The following PPM1L variants were observed in gnomAD, a reference collection of about 807,000 sequenced individuals.
PPM1L encodes protein phosphatase, Mg2+/Mn2+ dependent 1L.
In PPM1L, 13 loss-of-function variants were observed where a neutral mutation model predicts 31.4. The ratio of observed to expected loss-of-function variants is 0.41; its 90% confidence interval spans 0.27 to 0.66. The LOEUF (loss-of-function observed/expected upper bound fraction) is 0.66, where lower values mean the gene tolerates loss of function less well. Ranked by LOEUF, PPM1L falls within the 30% of genes least tolerant of loss-of-function variation. The probability of loss-of-function intolerance (pLI) is 0.29; values close to 1 mark genes in which losing one functional copy is unlikely to be tolerated. For synonymous variants in PPM1L, 184 were observed against 175.4 expected (o/e 1.05, Z -0.39); for missense variants, 326 against 453.7 (o/e 0.72, Z 2.56).
At chr3:160,950,327 T>C (rs1715542355) in intron 1 of PPM1L, among the ~76,000 whole-genome samples, 1 of 152,166 alleles carries the variant, frequency 6.6e-6, no homozygotes, top group Non-Finnish European at 1.5e-5. Context: ...ATTGAAGCTA[T>C]AATGATAGAA....
intron 1 of PPM1L, among the ~76,000 whole-genome samples, chr3:160,801,871 G>T (rs1712437213): frequency 6.6e-6 from 1 of 152,098 alleles, no homozygotes; most frequent in Non-Finnish European, 1.5e-5. Flanking sequence ...TTCATACATA[G>T]TTTGAACTTA....
intron 1 of PPM1L, among the ~76,000 whole-genome samples, chr3:160,960,440 C>A (rs1715916376): frequency 6.6e-6 from 1 of 152,030 alleles, no homozygotes; most frequent in Admixed American, 6.6e-5. Flanking sequence ...CCCTACTGTG[C>A]AACAGAACAC....
intron 1 of PPM1L, among the ~76,000 whole-genome samples, chr3:160,796,405 C>T (rs557236461): frequency 2.8e-4 from 42 of 152,130 alleles, no homozygotes; most frequent in Non-Finnish European, 1.8e-4. Context: ...AACCATTACC[C>T]TTAATTTTTG....
intron 2 of PPM1L, among the ~76,000 whole-genome samples, chr3:160,968,913 G>A (rs1046231700): frequency 1.3e-5 from 2 of 152,198 alleles, no homozygotes; most frequent in East Asian, 3.9e-4. Flanking sequence ...AGGGCTTTCT[G>A]TTCTTACAGT....
intron 1 of PPM1L, chr3:160,842,355 T>C: frequency 1.4e-6 from 1 of 699,670 alleles, no homozygotes; most frequent in Non-Finnish European, 2.6e-6. Flanking sequence ...TAATGGGAAA[T>C]AAAACTAGAG....
intron 1 of PPM1L, among the ~76,000 whole-genome samples, chr3:160,915,247 A>C (rs1183512946): frequency 3.3e-5 from 5 of 152,212 alleles, no homozygotes; most frequent in African/African-American, 9.6e-5. Flanking sequence ...AATCACGAGC[A>C]TTCTTATACT....
rs1021740020 is a variant in PPM1L at position 160,862,396 on chromosome 3, T to C, written c.400-99340T>C. ...CCTTTCAATTCAGGCACTGAAATGC[T>C]AGCAAAATGAAGGTATGTTTTCTGG... On this transcript the variant is annotated intron_variant, in intron 1 of 3. Coordinates refer to ENST00000498165, the MANE Select transcript of PPM1L (RefSeq NM_139245.4). 6.2e-4 allele frequency among the ~76,000 whole-genome samples: 94 copies of C among 152,198 alleles called. 1 individual carries two copies. The highest frequency in any genetic ancestry group is 2.1e-3 in the African/African-American group (89 of 41,506).
intron 1 of PPM1L, among the ~76,000 whole-genome samples, chr3:160,951,416 T>C (rs1284426275): frequency 6.6e-6 from 1 of 152,100 alleles, no homozygotes; most frequent in Non-Finnish European, 1.5e-5. Context: ...TCCTTTAGAG[T>C]TTGAGGGTAG....
chr3:161,061,690 G>A (rs1240673590), intron 2 of PPM1L, among the ~76,000 whole-genome samples: 1 of 152,150 alleles, frequency 6.6e-6, no homozygotes, highest in Non-Finnish European at 1.5e-5. Context: ...ATGTACATAG[G>A]TTATATGCAA....
At chr3:160,850,559 G>A (rs958494674) in intron 1 of PPM1L, among the ~76,000 whole-genome samples, 6 of 152,088 alleles carry the variant, frequency 3.9e-5, no homozygotes, top group African/African-American at 1.4e-4. Context: ...CTAATCACAT[G>A]GCTGGTCCCT....
In PPM1L at chr3:161,073,494, T is replaced by C. The variant is rs1166189928; in HGVS notation, c.*4337T>C. The C allele has an allele frequency of 6.6e-6, 1 of 152,156 alleles. No homozygotes were observed. Among genetic ancestry groups the C allele is most frequent in the Non-Finnish European group, 1.5e-5 (1 of 68,034 alleles). 9.4% of individuals were successfully genotyped at this position (152,156 alleles called of 1,614,324 possible). On this transcript the variant is annotated 3_prime_UTR_variant, in exon 4 of 4. Transcript: ENST00000498165. ...ATAAAAGCAGTGTTAAGAAGTAGTA[T>C]GACTTAATATGACCAACAGCAGCCT...
At position 160,762,857 on chromosome 3, in the gene PPM1L, C is replaced by T. The variant is rs182329989; in HGVS notation, c.399+6150C>T. Among the ~76,000 whole-genome samples the T allele has an allele frequency of 4.6e-5, 7 of 152,224 alleles. No homozygotes were observed. In the East Asian group the frequency reaches 1.4e-3, roughly 29 times the overall value. ...CCCAACGGTAATCATTCTAGAAGCTCATTCATTATTTTTTTCCATATTCAA... is the reference window on the plus strand; with the variant it reads ...CCCAACGGTAATCATTCTAGAAGCTTATTCATTATTTTTTTCCATATTCAA... On this transcript the variant is annotated intron_variant, in intron 1 of 3. Coordinates refer to ENST00000498165, the MANE Select transcript of PPM1L (RefSeq NM_139245.4).
At chr3:161,055,760 TC>T (rs1719393071) in intron 2 of PPM1L, among the ~76,000 whole-genome samples, 2 of 151,934 alleles carry the variant, frequency 1.3e-5, no homozygotes, top group Non-Finnish European at 2.9e-5. Flanking sequence ...TGCCACCCCT[TC>T]CTTACCCTCC....
At position 160,957,484 on chromosome 3, in the gene PPM1L, C is replaced by T. The variant is rs567685844; in HGVS notation, c.400-4252C>T. On this transcript the variant is annotated intron_variant, in intron 1 of 3. Transcript: ENST00000498165. Reference sequence around the variant, plus strand: ...GGTCTTTGAGGAATCACCACACTGTCTTCCACAATGGCTGAACTAATTTAC... The same window carrying T: ...GGTCTTTGAGGAATCACCACACTGTTTTCCACAATGGCTGAACTAATTTAC... Among the ~76,000 whole-genome samples, 379 of 151,992 alleles carry T rather than the reference C, an allele frequency of 2.5e-3. 7 individuals carry two copies. The highest frequency in any genetic ancestry group is 1.3e-3 in the Non-Finnish European group (91 of 68,022).
intron 1 of PPM1L, among the ~76,000 whole-genome samples, chr3:160,825,238 T>G (rs990293378): frequency 1.3e-5 from 2 of 152,114 alleles, no homozygotes; most frequent in Non-Finnish European, 2.9e-5. Flanking sequence ...AATTGAAATT[T>G]GAGTATTTGG....
chr3:160,986,091 A>C (rs1191828728), intron 2 of PPM1L, among the ~76,000 whole-genome samples: 1 of 152,208 alleles, frequency 6.6e-6, no homozygotes, highest in East Asian at 1.9e-4. Context: ...CTGCCTAGCA[A>C]ATAATAAAAC....
chr3:160,915,121 C>T (rs1334245738), intron 1 of PPM1L, among the ~76,000 whole-genome samples: 1 of 152,074 alleles, frequency 6.6e-6, no homozygotes, highest in Non-Finnish European at 1.5e-5. Context: ...TCAAATTGTC[C>T]CTGTTTGCAG....
At chr3:160,817,635 A>G (rs1022913875) in intron 1 of PPM1L, among the ~76,000 whole-genome samples, 1 of 151,946 alleles carries the variant, frequency 6.6e-6, no homozygotes, top group Non-Finnish European at 1.5e-5. Context: ...TTTGCAGGTC[A>G]TGTCCTAATT....
chr3:160,955,493 C>A (rs1178151953), intron 1 of PPM1L, among the ~76,000 whole-genome samples: 1 of 151,900 alleles, frequency 6.6e-6, no homozygotes, highest in Non-Finnish European at 1.5e-5. Flanking sequence ...TTTTGCATTA[C>A]TTTGTAAAAT....
Sources: allele counts gnomAD v4.1 joint callset (sites outside exome capture counted in the v4.1 genomes callset), GRCh38; gene constraint gnomAD v4.1.1; transcripts MANE v1.5; gene names NCBI Gene and HGNC (gene_info 2026-07-23, HGNC 2026-07-21).